OTOGL: variants seen among roughly 807,000 people sequenced by gnomAD.
OTOGL encodes the protein otogelin-like protein.
Under a neutral mutation model 318.5 loss-of-function variants are expected in OTOGL, and 285 were observed. That is an observed-to-expected ratio of 0.89 (90% confidence interval 0.81 to 0.99). The LOEUF is 0.99. OTOGL is among the 50% of genes least tolerant of loss of function. OTOGL has a pLI of 0.00. For synonymous variants in OTOGL, 987 were observed against 936.5 expected (o/e 1.05, Z -0.99); for missense variants, 2,899 against 2,845.6 (o/e 1.02, Z -0.43).
intron 44 of OTOGL, among the ~76,000 whole-genome samples, chr12:80,346,078 G>A (rs773422333): frequency 6.6e-6 from 1 of 152,128 alleles, no homozygotes; most frequent in South Asian, 2.1e-4. Context: ...GATTTCTTAC[G>A]TGGATATTAA....
chr12:80,307,518 G>A (rs566481441), intron 29 of OTOGL, among the ~76,000 whole-genome samples: 2,183 of 137,794 alleles, frequency 0.016, 44 homozygotes, highest in African/African-American at 0.055. Flanking sequence ...GCGGCCGGGC[G>A]GAGGCGCCCC....
intron 1 of OTOGL, among the ~76,000 whole-genome samples, chr12:80,134,920 C>G (rs910937991): frequency 3.3e-5 from 5 of 152,168 alleles, no homozygotes; most frequent in African/African-American, 1.2e-4. Flanking sequence ...ATTCATGTGT[C>G]TCTGGAATTT....
rs765147445 is a variant in OTOGL, at chr12:80,254,529, G to A, written c.1400G>A (p.Cys467Tyr). 1.9e-6 allele frequency: 3 copies of A among 1,606,706 alleles called. No individual in the cohort carries two copies. Among genetic ancestry groups the A allele is most frequent in the Non-Finnish European group, 2.6e-6 (3 of 1,174,718 alleles). ...ATTTTTATAATTTCTTTTAGTGTGT[G>A]TGTTGGTGGAGTTTGGAACTGCACT... ...KIEQECTECV[C>Y]VGGVWNCTEQ... is the part of the protein sequence containing the mutation. The change falls in exon 15 of 59, where the codon TGT becomes TAT. Residue 467 changes from cysteine to tyrosine, a missense_variant. By Grantham distance (194) the Cys-to-Tyr change is radical (BLOSUM62 -2). Coordinates refer to ENST00000547103, the MANE Select transcript of OTOGL (RefSeq NM_001378609.3).
chr12:80,101,636 CTATGT>C (rs1181890153), intron 1 of OTOGL, among the ~76,000 whole-genome samples: 2 of 152,260 alleles, frequency 1.3e-5, no homozygotes, highest in African/African-American at 2.4e-5. Flanking sequence ...AGTCCAGTAT[CTATGT>C]TATATCATAT....
intron 1 of OTOGL, among the ~76,000 whole-genome samples, chr12:80,143,716 T>C (rs573527625): frequency 6.6e-6 from 1 of 152,234 alleles, no homozygotes; most frequent in South Asian, 2.1e-4. Context: ...TCACATTTGA[T>C]AGAGTGTGTT....
intron 11 of OTOGL, among the ~76,000 whole-genome samples, chr12:80,250,314 C>G (rs911018766): frequency 1.3e-5 from 2 of 152,008 alleles, no homozygotes; most frequent in African/African-American, 4.8e-5. Flanking sequence ...TTCTTTCTTG[C>G]CCAATTATTG....
intron 22 of OTOGL, among the ~76,000 whole-genome samples, chr12:80,268,533 CT>C (rs1883172884): frequency 6.6e-6 from 1 of 152,046 alleles, no homozygotes; most frequent in Non-Finnish European, 1.5e-5. Context: ...TTATCTCCAC[CT>C]TTTTTCCTAT....
At chr12:80,139,979 G>T (rs1482935690) in intron 1 of OTOGL, among the ~76,000 whole-genome samples, 1 of 152,076 alleles carries the variant, frequency 6.6e-6, no homozygotes, top group Non-Finnish European at 1.5e-5. Context: ...TCCTATGAAT[G>T]CATGTTAAAG....
intron 28 of OTOGL, 120 bp downstream of exon 28, chr12:80,302,903 T>C (rs1208804469): frequency 6.6e-6 from 6 of 914,800 alleles, no homozygotes; most frequent in Non-Finnish European, 7.3e-6. Flanking sequence ...TTTCCAGAAT[T>C]ACTAACTCAT....
At chr12:80,228,119 T>A (rs1325308671) in intron 7 of OTOGL, among the ~76,000 whole-genome samples, 1 of 152,076 alleles carries the variant, frequency 6.6e-6, no homozygotes, top group East Asian at 1.9e-4. Context: ...ATAAAACTAA[T>A]ATACATTAAA....
At chr12:80,218,796 T>C (rs757221520) in intron 5 of OTOGL, among the ~76,000 whole-genome samples, 1 of 99,288 alleles carries the variant, frequency 1.0e-5, no homozygotes, top group Non-Finnish European at 1.9e-5. Flanking sequence ...TTTTTCTTTC[T>C]TTTTTTTTTT....
intron 23 of OTOGL, among the ~76,000 whole-genome samples, chr12:80,270,392 GGATGCTGCCTA>G (rs1383118800): frequency 6.6e-6 from 1 of 152,118 alleles, no homozygotes; most frequent in Non-Finnish European, 1.5e-5. Context: ...GTCAACCCAG[GGATGCTGCCTA>G]GATGCTGCCT....
chr12:80,220,739 G>A (rs1007752230), intron 6 of OTOGL, among the ~76,000 whole-genome samples: 3 of 124,762 alleles, frequency 2.4e-5, no homozygotes, highest in African/African-American at 6.2e-5. Context: ...CTAGGCATTG[G>A]GGATGCAACG....
chr12:80,149,902 C>T (rs1051059556), intron 1 of OTOGL, among the ~76,000 whole-genome samples: 5 of 152,196 alleles, frequency 3.3e-5, no homozygotes, highest in African/African-American at 4.8e-5. Flanking sequence ...ATGCCTCACC[C>T]TGCTTCGGCT....
At chr12:80,245,962 T>C (rs1880835789) in intron 11 of OTOGL, among the ~76,000 whole-genome samples, 1 of 134,790 alleles carries the variant, frequency 7.4e-6, no homozygotes, top group South Asian at 2.6e-4. Flanking sequence ...GGCTCTCTGT[T>C]TGTCTGTTGT....
chr12:80,226,534 C>T (rs1195331091), intron 7 of OTOGL, among the ~76,000 whole-genome samples: 2 of 152,092 alleles, frequency 1.3e-5, no homozygotes, highest in African/African-American at 4.8e-5. Context: ...CCTCAGTTTT[C>T]CTTCCCATCT....
intron 22 of OTOGL, among the ~76,000 whole-genome samples, chr12:80,267,846 C>T (rs1883115249): frequency 6.6e-6 from 1 of 151,582 alleles, no homozygotes; most frequent in African/African-American, 2.4e-5. Context: ...CTCATAACTG[C>T]AGAAAGGAGT....
rs1395954229 is a variant in OTOGL at position 80,219,855 on chromosome 12, A to G, written c.277A>G (p.Lys93Glu). 1.3e-6 allele frequency: 2 copies of G among 1,593,716 alleles called. No individual in the cohort carries two copies. The highest frequency in any genetic ancestry group is 1.7e-6 in the Non-Finnish European group (2 of 1,175,952). The change falls in exon 6 of 59, where the codon AAG becomes GAG. Residue 93 changes from lysine (K) to glutamate (E), a missense_variant. Lys to Glu is a moderately conservative substitution (Grantham distance 56). This residue lies in a region of OTOGL where 2,607 missense variants were observed against 2,524.9 expected (regional missense o/e 1.03). Transcript: ENST00000547103. ...YECLNGAFCS[K>E]TGTCDCQIFQ... ...ATGCCTTAATGGAGCTTTCTGTTCT[A>G]AGACTGGAACATGTGACTGTCAAAT... is the stretch of plus-strand genomic sequence containing the variant.
intron 1 of OTOGL, among the ~76,000 whole-genome samples, chr12:80,152,869 T>G (rs1162422877): frequency 1.3e-5 from 2 of 152,088 alleles, no homozygotes; most frequent in Non-Finnish European, 2.9e-5. Flanking sequence ...AATTTTTGTA[T>G]TTTTAGTAGA....
Sources: allele counts gnomAD v4.1 joint callset (sites outside exome capture counted in the v4.1 genomes callset), GRCh38; gene constraint gnomAD v4.1.1; regional missense constraint gnomAD v4.1.1; transcripts MANE v1.5; gene names NCBI Gene and HGNC (gene_info 2026-07-23, HGNC 2026-07-21).